The following EVC variants were observed in gnomAD, a reference collection of about 807,000 sequenced individuals.
EVC encodes evC complex member EVC.
Under a neutral mutation model 118.9 loss-of-function variants are expected in EVC, and 116 were observed. The observed-to-expected ratio is 0.98, with a 90% CI of 0.84 to 1.14. EVC has a LOEUF of 1.14. Ranked by LOEUF, EVC falls within the 50% of genes most tolerant of loss-of-function variation. The pLI, the probability that EVC is intolerant of heterozygous loss-of-function variation, is 0.00. For synonymous variants in EVC, 619 were observed against 534.7 expected, an observed-to-expected ratio of 1.16 and a Z score of -2.18; for missense variants, 1,401 against 1,246.4, an observed-to-expected ratio of 1.12 and a Z score of -1.87.
intron 11 of EVC, among the ~76,000 whole-genome samples, chr4:5,759,507 G>A (rs775992300): frequency 9.9e-5 from 15 of 152,180 alleles, no homozygotes; most frequent in Non-Finnish European, 1.6e-4. Context: ...GGCTATGGGC[G>A]GCGGGGGTGG....
At chr4:5,825,775 TGC>T in the EVC span, 1 of 967,864 alleles carries the variant, frequency 1.0e-6, no homozygotes, top group Non-Finnish European at 1.5e-6. The surrounding 1 kb of genome is among the most constrained non-coding windows in gnomAD (Gnocchi z 4.4). Flanking sequence ...CAAATGTGCA[TGC>T]ACACACACAC....
the EVC span, chr4:5,820,882 A>G: frequency 6.6e-6 from 1 of 152,066 alleles, no homozygotes; most frequent in Admixed American, 6.5e-5. Flanking sequence ...AGTGATTACA[A>G]AGGAAAACTT....
intron 5 of EVC, among the ~76,000 whole-genome samples, chr4:5,734,264 G>C (rs1468426567): frequency 6.6e-6 from 1 of 152,204 alleles, no homozygotes; most frequent in Non-Finnish European, 1.5e-5. Flanking sequence ...AGGCAGATGA[G>C]AGAAAGAGGA....
In EVC at chr4:5,802,109, CT is replaced by C. The variant is rs202073499; in HGVS notation, c.2449+16del. On this transcript the variant is annotated intron_variant, in intron 16 of 20. Coordinates refer to ENST00000264956, the MANE Select transcript of EVC (RefSeq NM_153717.3). ...GACCCTGCAGGGTACGGGACCCCCCCTCAGGGAAGCCCCAGAAGAGACTGGC... is the reference window on the plus strand; with the variant it reads ...GACCCTGCAGGGTACGGGACCCCCCCCAGGGAAGCCCCAGAAGAGACTGGC... 21 of 1,613,544 alleles carry C rather than the reference CT, an allele frequency of 1.3e-5. No homozygotes were observed. Among genetic ancestry groups the C allele is most frequent in the African/African-American group, 4.0e-5 (3 of 74,902 alleles).
At chr4:5,796,286 T>C (rs1359805669) in intron 13 of EVC, among the ~76,000 whole-genome samples, 1 of 152,226 alleles carries the variant, frequency 6.6e-6, no homozygotes, top group Non-Finnish European at 1.5e-5. Context: ...GGCATGTTTC[T>C]ATTGTCTGTT....
rs770649751 is a variant in EVC, at chr4:5,783,645, G to C, written c.1657G>C (p.Glu553Gln). 6.2e-7 allele frequency: 1 copy of C among 1,614,228 alleles called. No individual in the cohort carries two copies. The highest frequency in any genetic ancestry group is 8.5e-7 in the Non-Finnish European group (1 of 1,180,046). The change falls in exon 12 of 21, where the codon GAG becomes CAG. Residue 553 changes from glutamate (E) to glutamine (Q), a missense_variant. Transcript: ENST00000264956. Reference protein sequence around the residue: ...LPGMTGLPPEECDYLRQEVQE... With the variant: ...LPGMTGLPPEQCDYLRQEVQE... ...TGGCATGACTGGCCTCCCCCCGGAA[G>C]AGTGTGACTACTTGAGGCAGGAAGT...
At chr4:5,758,056 T>A (rs1351108011) in intron 11 of EVC, 1 of 702,400 alleles carries the variant, frequency 1.4e-6, no homozygotes, top group East Asian at 2.7e-5. Context: ...TGGGCCCTAA[T>A]TCTAATGGCT....
chr4:5,803,915 C>A (rs1183677548), intron 16 of EVC, among the ~76,000 whole-genome samples: 2 of 150,118 alleles, frequency 1.3e-5, no homozygotes, highest in East Asian at 2.0e-4. Flanking sequence ...CAGGTCTAAA[C>A]CATGCCTGTC....
At chr4:5,823,622 G>C in the EVC span, among the ~76,000 whole-genome samples, 1 of 152,126 alleles carries the variant, frequency 6.6e-6, no homozygotes, top group Non-Finnish European at 1.5e-5. Context: ...ATTAGCTCTC[G>C]GAAGAACTGG....
intron 15 of EVC, among the ~76,000 whole-genome samples, chr4:5,799,449 C>G (rs1476578959): frequency 6.6e-6 from 1 of 152,190 alleles, no homozygotes; most frequent in African/African-American, 2.4e-5. Flanking sequence ...AAAAAGAGGC[C>G]TACGATTGGG....
chr4:5,732,058 T>A (rs930455004), intron 4 of EVC, among the ~76,000 whole-genome samples: 69 of 152,292 alleles, frequency 4.5e-4, no homozygotes, highest in African/African-American at 1.6e-3. Flanking sequence ...TCAGTAAATA[T>A]TAATCAGTGA....
intron 12 of EVC, among the ~76,000 whole-genome samples, chr4:5,787,536 G>T (rs1005262472): frequency 2.0e-5 from 3 of 152,180 alleles, no homozygotes; most frequent in African/African-American, 7.2e-5. Flanking sequence ...ACTGGAAAGG[G>T]CAAGAAAATG....
chr4:5,737,332 G>C lies in EVC; in HGVS notation c.702+3897G>C, dbSNP rs747093546. 1.3e-4 allele frequency among the ~76,000 whole-genome samples: 20 copies of C among 152,260 alleles called. No homozygotes were observed. The highest frequency in any genetic ancestry group is 1.3e-4 in the Non-Finnish European group (9 of 68,044). On this transcript the variant is annotated intron_variant, in intron 5 of 20. Coordinates refer to ENST00000264956, the MANE Select transcript of EVC (RefSeq NM_153717.3). The surrounding 1 kb of genome is among the most constrained non-coding windows in gnomAD (Gnocchi z 5.0). ...AAAGTGCAAGGTGAAGCAGCAGCAA[G>C]TGCTGATGGAGAAGCTTCAGCAAGT...
At chr4:5,788,114 A>G (rs547908197) in intron 12 of EVC, among the ~76,000 whole-genome samples, 1 of 152,246 alleles carries the variant, frequency 6.6e-6, no homozygotes, top group African/African-American at 2.4e-5. Context: ...GCACTGTCTC[A>G]GTGATCCCAT....
intron 11 of EVC, among the ~76,000 whole-genome samples, chr4:5,773,700 G>A (rs555271025): frequency 6.6e-6 from 1 of 152,156 alleles, no homozygotes; most frequent in South Asian, 2.1e-4. Context: ...TTTTAAGGGA[G>A]TTGGCCCATG....
chr4:5,711,215 C>T lies in EVC; in HGVS notation c.-166C>T. On this transcript the variant is annotated 5_prime_UTR_variant, in exon 1 of 21. Transcript: ENST00000264956. ...GGCTCCTCCCTCCGGCTCGGCGAAGCAGGGAAGGGGAGAGAAGCAGGAGTC... is the reference window on the plus strand; with the variant it reads ...GGCTCCTCCCTCCGGCTCGGCGAAGTAGGGAAGGGGAGAGAAGCAGGAGTC... 3.2e-6 allele frequency: 1 copy of T among 315,742 alleles called. No individual in the cohort carries two copies. Among genetic ancestry groups the T allele is most frequent in the Middle Eastern group, 1.6e-3 (1 of 634 alleles). The allele number at this position is 315,742 out of a possible 1,614,324, so 19.6% of individuals were successfully genotyped here.
chr4:5,769,242 C>T (rs1023858721), intron 11 of EVC, among the ~76,000 whole-genome samples: 2 of 152,082 alleles, frequency 1.3e-5, no homozygotes, highest in African/African-American at 4.8e-5. Flanking sequence ...AGAGCATGTG[C>T]AGGGGAACTC....
chr4:5,727,696 A>G (rs1726091078), intron 2 of EVC, among the ~76,000 whole-genome samples: 1 of 151,960 alleles, frequency 6.6e-6, no homozygotes, highest in South Asian at 2.1e-4. Flanking sequence ...TAGGGTTTTT[A>G]TGGTTTTAGG....
chr4:5,813,774 G>C lies in EVC; in HGVS notation c.*2737G>C, dbSNP rs920018537. Reference sequence around the variant, plus strand: ...TCGCATGGAGCATTTTGCTTCTGGGGTGTCTTCCTTAGCCAAAGGGAACGT... The same window carrying C: ...TCGCATGGAGCATTTTGCTTCTGGGCTGTCTTCCTTAGCCAAAGGGAACGT... On this transcript the variant is annotated 3_prime_UTR_variant, in exon 21 of 21. Coordinates refer to ENST00000264956, the MANE Select transcript of EVC (RefSeq NM_153717.3). The C allele has an allele frequency of 9.2e-5, 14 of 152,206 alleles. No homozygotes were observed. Among genetic ancestry groups the C allele is most frequent in the African/African-American group, 3.1e-4 (13 of 41,452 alleles). 9.4% of individuals were successfully genotyped at this position (152,206 alleles called of 1,614,324 possible).
Sources: allele counts gnomAD v4.1 joint callset (sites outside exome capture counted in the v4.1 genomes callset), GRCh38; gene constraint gnomAD v4.1.1; non-coding constraint Gnocchi (gnomAD v3.1); transcripts MANE v1.5; gene names NCBI Gene and HGNC (gene_info 2026-07-23, HGNC 2026-07-21).